The following ABCA12 variants were observed in gnomAD, a reference collection of about 807,000 sequenced individuals.
ABCA12 encodes the protein glucosylceramide transporter ABCA12.
ABCA12 carries 156 observed loss-of-function variants against 293.5 expected under a neutral mutation model. That is an observed-to-expected ratio of 0.53 (90% confidence interval 0.47 to 0.61). ABCA12 has a LOEUF of 0.61. ABCA12 is among the 20% of genes least tolerant of loss of function. The pLI is 0.00. For missense variants in ABCA12, 2,797 were observed against 3,090.2 expected, an observed-to-expected ratio of 0.91 and a Z score of 2.25; for synonymous variants, 1,063 against 1,108.0, an observed-to-expected ratio of 0.96 and a Z score of 0.81.
chr2:215,137,909 G>C (rs979912554), intron 1 of ABCA12, among the ~76,000 whole-genome samples: 4 of 151,828 alleles, frequency 2.6e-5, no homozygotes, highest in Non-Finnish European at 5.9e-5. Context: ...CCCAGGGCAT[G>C]TCCTGGTTTA....
chr2:215,134,577 ATCTCTCTC>A lies in ABCA12; in HGVS notation c.69+3555_69+3562del, dbSNP rs370388681. Among the ~76,000 whole-genome samples the A allele has an allele frequency of 8.1e-3, 621 of 76,848 alleles. 59 individuals are homozygous for A. Among genetic ancestry groups the A allele is most frequent in the African/African-American group, 0.036 (507 of 14,056 alleles). 50.4% of individuals were successfully genotyped at this position (76,848 alleles called of 152,430 possible). ...ATGTATATATGTGTGTATATATATA[ATCTCTCTC>A]TCTCTCTCTCTCTCTATATATATAT... On this transcript the variant is annotated intron_variant, in intron 1 of 52. Transcript: ENST00000272895.
rs368135271 is a variant in ABCA12, at chr2:215,019,638, T to G, written c.1446A>C (p.Glu482Asp). The G allele has an allele frequency of 8.2e-5, 132 of 1,614,044 alleles. No individual in the cohort carries two copies. The highest frequency in any genetic ancestry group is 1.1e-4 in the Non-Finnish European group (129 of 1,180,040). ...QLLEAAELGTEIAASLLYHDN... is the reference protein window; with the variant it reads ...QLLEAAELGTDIAASLLYHDN... ...CATGGTACAGTAAGCTGGCTGCTAT[T>G]TCGGTGCCCAGCTCTGCCGCTTCGA... Residue 482 changes from glutamate to aspartate, a missense_variant, in exon 12 of 53, where the codon GAA becomes GAC. This residue lies in a region of ABCA12 where 656 missense variants were observed against 638.2 expected (regional missense o/e 1.03). Transcript: ENST00000272895.
At chr2:215,080,565 C>G (rs35026933) in intron 2 of ABCA12, among the ~76,000 whole-genome samples, 46,357 of 151,550 alleles carry the variant, frequency 0.31, 7,526 homozygotes, top group Middle Eastern at 0.4. Flanking sequence ...AGAACTAAGA[C>G]ACATTCTTAC....
At position 215,111,624 on chromosome 2, in the gene ABCA12, TG is replaced by T; in HGVS notation, c.135del (p.Lys46AsnfsTer64). On this transcript the variant is annotated frameshift_variant, in exon 2 of 53. Coordinates refer to ENST00000272895, the MANE Select transcript of ABCA12 (RefSeq NM_173076.3). LOFTEE classifies it high-confidence loss of function. The stretch of plus-strand genomic sequence containing the variant: ...GTTGGTTTTGCAGTTGGAGGAAATT[TG>T]GTCCGAGTAATAGCCAAAATTATGA... Reference protein sequence around the residue: ...IIFIILAITRTKFPPTAKPTC... With the variant: ...IIFIILAITRXKFPPTAKPTC... The T allele has an allele frequency of 6.2e-7, 1 of 1,613,316 alleles. No homozygotes were observed. Among genetic ancestry groups the T allele is most frequent in the Non-Finnish European group, 8.5e-7 (1 of 1,179,514 alleles).
intron 1 of ABCA12, among the ~76,000 whole-genome samples, chr2:215,116,091 G>T (rs1415247977): frequency 6.6e-6 from 1 of 152,226 alleles, no homozygotes; most frequent in East Asian, 1.9e-4. Flanking sequence ...GGTAGTGTTA[G>T]GTTAGAATGA....
intron 17 of ABCA12, 118 bp from the exon 18 acceptor site, chr2:215,010,588 T>C: frequency 8.6e-7 from 1 of 1,157,932 alleles, no homozygotes; most frequent in South Asian, 1.3e-5. Flanking sequence ...TAGTACTTCC[T>C]ATATTATTAA....
chr2:215,019,306 A>G (rs368422533), intron 13 of ABCA12, 30 bp downstream of exon 13: 1 of 1,569,044 alleles, frequency 6.4e-7, no homozygotes, highest in African/African-American at 1.4e-5. Flanking sequence ...TTCTAATAAG[A>G]CAAGATTTAA....
intron 50 of ABCA12, among the ~76,000 whole-genome samples, chr2:214,938,752 T>C (rs1698303251): frequency 6.6e-6 from 1 of 152,254 alleles, no homozygotes; most frequent in Non-Finnish European, 1.5e-5. Flanking sequence ...GCAGCATAAA[T>C]GTCTTCTTTT....
At chr2:214,994,197 G>A (rs1454956131) in intron 23 of ABCA12, among the ~76,000 whole-genome samples, 1 of 133,912 alleles carries the variant, frequency 7.5e-6, no homozygotes, top group Non-Finnish European at 1.7e-5. Flanking sequence ...GACCAAATTT[G>A]CTGATGGAAG....
At chr2:215,124,943 C>A (rs10165506) in intron 1 of ABCA12, among the ~76,000 whole-genome samples, 46,344 of 152,066 alleles carry the variant, frequency 0.3, 10,921 homozygotes, top group African/African-American at 0.66. Flanking sequence ...TTCAGGTCTT[C>A]GGTTTAAGTC....
At chr2:215,106,737 T>C (rs1313284021) in intron 2 of ABCA12, among the ~76,000 whole-genome samples, 2 of 144,712 alleles carry the variant, frequency 1.4e-5, no homozygotes, top group African/African-American at 5.2e-5. Context: ...ATAAAGGGTA[T>C]GCTTTGGAGG....
intron 22 of ABCA12, among the ~76,000 whole-genome samples, chr2:215,000,350 T>C (rs1259244208): frequency 2.0e-5 from 3 of 152,202 alleles, no homozygotes; most frequent in Non-Finnish European, 4.4e-5. Context: ...GATCGTCTTG[T>C]TCATCCCTTT....
intron 2 of ABCA12, among the ~76,000 whole-genome samples, chr2:215,072,313 T>C (rs188736154): frequency 1.3e-5 from 2 of 152,200 alleles, no homozygotes; most frequent in Admixed American, 1.3e-4. Context: ...GGATAGGACA[T>C]AGGGACATTT....
In ABCA12 at chr2:214,978,331, A is replaced by G; in HGVS notation, c.5113T>C (p.Phe1705Leu). ...PDDLSVSSSN[F>L]TDRDDKILTR... Reference sequence around the variant, plus strand: ...AGATTCATACCATCTCTGTCTGTGAAATTGCTGCTGCTCACAGATAAATCG... The same window carrying G: ...AGATTCATACCATCTCTGTCTGTGAGATTGCTGCTGCTCACAGATAAATCG... The change falls in exon 33 of 53, where the codon TTC becomes CTC. Residue 1705 changes from phenylalanine (F) to leucine (L), a missense_variant. Phe to Leu is a conservative substitution (Grantham distance 22, BLOSUM62 0). This residue lies in a region of ABCA12 where 2,130 missense variants were observed against 2,427.0 expected (regional missense o/e 0.88). Coordinates refer to ENST00000272895, the MANE Select transcript of ABCA12 (RefSeq NM_173076.3). 6.2e-7 allele frequency: 1 copy of G among 1,614,032 alleles called. No individual in the cohort carries two copies. Among genetic ancestry groups the G allele is most frequent in the Middle Eastern group, 1.7e-4 (1 of 6,060 alleles).
chr2:214,980,896 C>T (rs865988883), intron 30 of ABCA12, among the ~76,000 whole-genome samples: 1 of 151,988 alleles, frequency 6.6e-6, no homozygotes, highest in Non-Finnish European at 1.5e-5. Context: ...GTCAGGAGTT[C>T]GAAACCAGCC....
At chr2:215,026,550 G>C (rs1700749056) in intron 10 of ABCA12, among the ~76,000 whole-genome samples, 1 of 152,160 alleles carries the variant, frequency 6.6e-6, no homozygotes, top group African/African-American at 2.4e-5. Flanking sequence ...ATTTGTCCCA[G>C]TGGCCATTAT....
chr2:215,122,449 A>G (rs1702827458), intron 1 of ABCA12, among the ~76,000 whole-genome samples: 1 of 152,242 alleles, frequency 6.6e-6, no homozygotes, highest in East Asian at 1.9e-4. Flanking sequence ...ATTCTAAAAA[A>G]TATTTTAATG....
At chr2:215,137,320 C>T (rs1471358687) in intron 1 of ABCA12, among the ~76,000 whole-genome samples, 2 of 152,138 alleles carry the variant, frequency 1.3e-5, no homozygotes, top group Non-Finnish European at 2.9e-5. Context: ...ATTACTCATT[C>T]AAGGCTGGGA....
intron 43 of ABCA12, among the ~76,000 whole-genome samples, chr2:214,954,860 C>T (rs1391072546): frequency 1.3e-5 from 2 of 152,158 alleles, no homozygotes; most frequent in Non-Finnish European, 2.9e-5. Context: ...ATAACTAAGT[C>T]GTTGTCCTTG....
Sources: allele counts gnomAD v4.1 joint callset (sites outside exome capture counted in the v4.1 genomes callset), GRCh38; gene constraint gnomAD v4.1.1; regional missense constraint gnomAD v4.1.1; transcripts MANE v1.5; gene names NCBI Gene and HGNC (gene_info 2026-07-23, HGNC 2026-07-21).